Variants in ERAL1 observed in about 807,000 individuals in gnomAD.
The protein encoded by ERAL1 is Era like 12S mitochondrial rRNA chaperone 1.
Under a neutral mutation model 53.6 loss-of-function variants are expected in ERAL1, and 36 were observed. The ratio of observed to expected loss-of-function variants is 0.67; its 90% CI spans 0.51 to 0.89. The LOEUF (loss-of-function observed/expected upper bound fraction) is 0.89, where lower values mean the gene tolerates loss of function less well. Among genes scored for constraint, ERAL1 ranks in the 40% least tolerant of loss-of-function variants. The probability of loss-of-function intolerance (pLI) is 0.00; values close to 1 mark genes in which losing one functional copy is unlikely to be tolerated. For synonymous variants in ERAL1, 215 were observed against 211.8 expected (o/e 1.02, Z -0.13); for missense variants, 512 against 537.5 (o/e 0.95, Z 0.47).
intron 9 of ERAL1, 135 bp from the exon 10 acceptor site, chr17:28,860,296 G>A (rs1350046279): frequency 7.3e-6 from 7 of 962,706 alleles, no homozygotes; most frequent in Non-Finnish European, 8.9e-6. Context: ...TTTTTTTAAA[G>A]AGGGGTCGCA....
chr17:28,855,125 A>G lies in ERAL1; in HGVS notation c.91A>G (p.Ile31Val). ...CCCTCATGTCGCGAGGGAGCGGGTG[A>G]TCCCTTTTTCCTCACTCTTAGGCTT... ...VGPHVARERVIPFSSLLGFQR... is the reference protein window; with the variant it reads ...VGPHVARERVVPFSSLLGFQR... Residue 31 changes from isoleucine (I) to valine (V), a missense_variant, in exon 1 of 10, where the codon ATC (isoleucine) becomes GTC (valine). By Grantham distance (29) the Ile-to-Val change is conservative. Transcript: ENST00000254928. The G allele has an allele frequency of 6.2e-7, 1 of 1,614,210 alleles. No homozygotes were observed. The highest frequency in any genetic ancestry group is 8.5e-7 in the Non-Finnish European group (1 of 1,180,042).
chr17:28,856,483 G>A, intron 2 of ERAL1, 22 bp from the exon 3 acceptor site: 1 of 1,613,656 alleles, frequency 6.2e-7, no homozygotes, highest in Non-Finnish European at 8.5e-7. Context: ...GGACCTCACT[G>A]AGACTCCTTT....
Position 28,860,680 on chromosome 17 carries a change from G to T in ERAL1, c.*127G>T. The T allele has an allele frequency of 7.9e-7, 1 of 1,262,018 alleles. No individual in the cohort carries two copies. The highest frequency in any genetic ancestry group is 1.1e-6 in the Non-Finnish European group (1 of 943,544). The allele number at this position is 1,262,018 out of a possible 1,614,324, so 78.2% of individuals were successfully genotyped here. ...CATGAACACTGACTGGCCACTAGCT[G>T]GCCTGGCCCTGTTGAGTCTGCACAG... On this transcript the variant is annotated 3_prime_UTR_variant, in exon 10 of 10. Transcript: ENST00000254928.
At chr17:28,859,150 C>A (rs1373444133) in intron 8 of ERAL1, 37 bp downstream of exon 8, 4 of 1,614,166 alleles carry the variant, frequency 2.5e-6, no homozygotes, top group Non-Finnish European at 3.4e-6. Context: ...CTCTATCAGA[C>A]ACACACCTCT....
Position 28,855,060 on chromosome 17 carries a change from C to T in ERAL1, c.26C>T (p.Ala9Val), listed in dbSNP as rs201411632. The part of the protein sequence containing the change: MAAPSWRG[A>V]RLVQSVLRVW... ...ATGGCTGCCCCCAGCTGGCGCGGGG[C>T]TAGGCTTGTTCAATCGGTGTTAAGA... The change falls in exon 1 of 10, where the codon GCT becomes GTT. Residue 9 changes from alanine to valine, a missense_variant. Transcript: ENST00000254928. The T allele has an allele frequency of 1.4e-5, 22 of 1,608,480 alleles. No homozygotes were observed. In the East Asian group the frequency reaches 4.0e-4, roughly 29 times the overall value.
chr17:28,856,257 C>G lies in ERAL1; in HGVS notation c.284-7C>G, dbSNP rs754226751. 1 of 1,613,790 alleles carries G rather than the reference C, an allele frequency of 6.2e-7. No homozygotes were observed. Among genetic ancestry groups the G allele is most frequent in the Non-Finnish European group, 8.5e-7 (1 of 1,179,780 alleles). ...TGTGTCTCATGCTTCTTCCCACTTG[C>G]ACATAGATGAGCAGGATGTCCTCTT... On this transcript the variant is annotated splice_region_variant and splice_polypyrimidine_tract_variant and intron_variant, in intron 1 of 9. Coordinates refer to ENST00000254928, the MANE Select transcript of ERAL1 (RefSeq NM_005702.4).
At position 28,857,914 on chromosome 17, in the gene ERAL1, G is replaced by C. The variant is rs1206611411; in HGVS notation, c.490-25G>C. 8 of 1,613,954 alleles carry C rather than the reference G, an allele frequency of 5.0e-6. No homozygotes were observed. The East Asian group carries it at 1.6e-4, about 31-fold the overall frequency. ...GTCATAATCTTTTCTCCTGGGGTCT[G>C]GGTATCTCACTTTCCTGATTTTAGA... On this transcript the variant is annotated intron_variant, in intron 3 of 9. Coordinates refer to ENST00000254928, the MANE Select transcript of ERAL1 (RefSeq NM_005702.4).
intron 3 of ERAL1, among the ~76,000 whole-genome samples, chr17:28,856,934 A>G (rs1362753716): frequency 6.6e-6 from 1 of 150,676 alleles, no homozygotes; most frequent in Non-Finnish European, 1.5e-5. Context: ...GATGGTCTCG[A>G]TCTCCTGACC....
intron 3 of ERAL1, among the ~76,000 whole-genome samples, chr17:28,857,448 TCA>T (rs1302897424): frequency 6.6e-6 from 1 of 151,846 alleles, no homozygotes; most frequent in African/African-American, 2.4e-5. Flanking sequence ...TTCCTTATAT[TCA>T]CAGTCATCAT....
rs1474231511 is a variant in ERAL1, at chr17:28,859,042, A to G, written c.1039A>G (p.Ile347Val). Residue 347 changes from isoleucine to valine, a missense_variant, in exon 8 of 10, where the codon ATC becomes GTC. Ile to Val is a conservative substitution (Grantham distance 29). Coordinates refer to ENST00000254928, the MANE Select transcript of ERAL1 (RefSeq NM_005702.4). ...AVLTSQTPEE[I>V]CANIIREKLL... ...CCTCACTAGCCAGACACCAGAAGAGATCTGTGCCAACATTATCCGAGAGAA... is the reference window on the plus strand; with the variant it reads ...CCTCACTAGCCAGACACCAGAAGAGGTCTGTGCCAACATTATCCGAGAGAA... 6.2e-7 allele frequency: 1 copy of G among 1,614,172 alleles called. No individual in the cohort carries two copies. The highest frequency in any genetic ancestry group is 1.1e-5 in the South Asian group (1 of 91,076).
chr17:28,859,979 T>A (rs2152642897), intron 9 of ERAL1, among the ~76,000 whole-genome samples: 2 of 151,640 alleles, frequency 1.3e-5, no homozygotes, highest in South Asian at 4.2e-4. Context: ...TTTTTTATTT[T>A]TTTATTTTTT....
chr17:28,855,302 G>A lies in ERAL1; in HGVS notation c.268G>A (p.Val90Met). 1 of 1,602,052 alleles carries A rather than the reference G, an allele frequency of 6.2e-7. No individual in the cohort carries two copies. The highest frequency in any genetic ancestry group is 1.1e-5 in the South Asian group (1 of 90,184). ...TTCGGTGACTCCTTGCGTCCCCGCG[G>A]TGTCCATGAACAGAGGTAAAGCGCC... is the stretch of plus-strand genomic sequence containing the variant. ...DSSVTPCVPA[V>M]SMNRDEQDVL... Residue 90 changes from valine (V) to methionine (M), a missense_variant, in exon 1 of 10, where the codon GTG becomes ATG. Val to Met is a conservative substitution (Grantham distance 21, BLOSUM62 1). Transcript: ENST00000254928.
At position 28,856,584 on chromosome 17, in the gene ERAL1, TG is replaced by T; in HGVS notation, c.489+5del. The T allele has an allele frequency of 1.9e-6, 3 of 1,613,836 alleles. No individual in the cohort carries two copies. The highest frequency in any genetic ancestry group is 2.5e-6 in the Non-Finnish European group (3 of 1,179,880). On this transcript the variant is annotated splice_donor_region_variant and intron_variant, in intron 3 of 9. Coordinates refer to ENST00000254928, the MANE Select transcript of ERAL1 (RefSeq NM_005702.4). The stretch of plus-strand genomic sequence containing the variant: ...ATCACAGAGAAGGAGACCCAGGTGG[TG>T]GGTACCTACAAAGGGAGTCCTTGAA...
Position 28,859,091 on chromosome 17 carries a change from A to G in ERAL1, c.1088A>G (p.Glu363Gly). 6.2e-7 allele frequency: 1 copy of G among 1,614,154 alleles called. No individual in the cohort carries two copies. The highest frequency in any genetic ancestry group is 1.1e-5 in the South Asian group (1 of 91,080). The change falls in exon 8 of 10, where the codon GAG becomes GGG. Residue 363 changes from glutamate to glycine, a missense_variant. By Grantham distance (98) the Glu-to-Gly change is moderately conservative (BLOSUM62 -2). Coordinates refer to ENST00000254928, the MANE Select transcript of ERAL1 (RefSeq NM_005702.4). Reference sequence around the variant, plus strand: ...AAGCTCCTAGAACACCTGCCCCAGGAGGTGCCTTACAATGTACAGCAGGTA... The same window carrying G: ...AAGCTCCTAGAACACCTGCCCCAGGGGGTGCCTTACAATGTACAGCAGGTA... ...REKLLEHLPQ[E>G]VPYNVQQKTA...
chr17:28,859,919 C>T (rs561312447), intron 9 of ERAL1, among the ~76,000 whole-genome samples: 4 of 152,134 alleles, frequency 2.6e-5, no homozygotes, highest in African/African-American at 9.6e-5. Flanking sequence ...CCTTGGCCTC[C>T]GAAAGTGCTG....
In ERAL1 at chr17:28,856,323, C is replaced by T. The variant is rs748158637; in HGVS notation, c.343C>T (p.Arg115Ter). The T allele has an allele frequency of 7.4e-6, 12 of 1,614,036 alleles. No individual in the cohort carries two copies. The highest frequency in any genetic ancestry group is 2.2e-5 in the East Asian group (1 of 44,902). ...TATGCCTGAGAATTCCCGGGTCCTA[C>T]GAGTGGTCCTCCTGGGAGCCCCGAA... ...PDMPENSRVL[R>*]VVLLGAPNAG... is the part of the protein sequence containing the mutation. The change falls in exon 2 of 10, where the codon CGA becomes TGA. Residue 115 changes from arginine (R) to a stop codon, truncating the protein, a stop_gained. Coordinates refer to ENST00000254928, the MANE Select transcript of ERAL1 (RefSeq NM_005702.4). LOFTEE classifies it high-confidence loss of function.
At position 28,856,512 on chromosome 17, in the gene ERAL1, C is replaced by T; in HGVS notation, c.419C>T (p.Pro140Leu). 1 of 1,613,812 alleles carries T rather than the reference C, an allele frequency of 6.2e-7. No individual in the cohort carries two copies. Among genetic ancestry groups the T allele is most frequent in the African/African-American group, 1.3e-5 (1 of 75,002 alleles). ...CTCCTTTGTTCCTGGCAGGTGTTCC[C>T]TGTTTCCAGGAAGGTGCATACTACT... ...SNQLLGRKVF[P>L]VSRKVHTTRC... The change falls in exon 3 of 10, where the codon CCT becomes CTT. Residue 140 changes from proline to leucine, a missense_variant. By Grantham distance (98) the Pro-to-Leu change is moderately conservative. Transcript: ENST00000254928.
chr17:28,859,094 T>G lies in ERAL1; in HGVS notation c.1091T>G (p.Val364Gly), dbSNP rs2039276700. 1.2e-6 allele frequency: 2 copies of G among 1,614,018 alleles called. No homozygotes were observed. The highest frequency in any genetic ancestry group is 1.7e-6 in the Non-Finnish European group (2 of 1,179,996). The change falls in exon 8 of 10, where the codon GTG becomes GGG. Residue 364 changes from valine to glycine, a missense_variant. Physicochemically the swap from Val to Gly is moderately radical, Grantham distance 109 (BLOSUM62 -3). Coordinates refer to ENST00000254928, the MANE Select transcript of ERAL1 (RefSeq NM_005702.4). ...EKLLEHLPQE[V>G]PYNVQQKTAV... Reference sequence around the variant, plus strand: ...CTCCTAGAACACCTGCCCCAGGAGGTGCCTTACAATGTACAGCAGGTACAG... The same window carrying G: ...CTCCTAGAACACCTGCCCCAGGAGGGGCCTTACAATGTACAGCAGGTACAG...
Position 28,856,496 on chromosome 17 carries a change from T to C in ERAL1, c.412-9T>C. On this transcript the variant is annotated splice_polypyrimidine_tract_variant and intron_variant, in intron 2 of 9. Transcript: ENST00000254928. ...TGGGACCTCACTGAGACTCCTTTGT[T>C]CCTGGCAGGTGTTCCCTGTTTCCAG... 6.2e-7 allele frequency: 1 copy of C among 1,613,710 alleles called. No homozygotes were observed. The highest frequency in any genetic ancestry group is 8.5e-7 in the Non-Finnish European group (1 of 1,179,778).
Sources: allele counts gnomAD v4.1 joint callset (sites outside exome capture counted in the v4.1 genomes callset), GRCh38; gene constraint gnomAD v4.1.1; transcripts MANE v1.5; gene names NCBI Gene and HGNC (gene_info 2026-07-23, HGNC 2026-07-21).